Variants in GRID2IP observed in about 807,000 individuals in gnomAD.
GRID2IP encodes the protein Grid2 interacting protein, also known as delphilin.
Under a neutral mutation model 114.3 loss-of-function variants are expected in GRID2IP, and 78 were observed. The observed-to-expected ratio is 0.68, with a 90% CI of 0.57 to 0.82. The LOEUF (loss-of-function observed/expected upper bound fraction) is 0.82. Ranked by LOEUF, GRID2IP falls within the 40% of genes least tolerant of loss-of-function variation. The pLI is 0.00. For missense variants in GRID2IP, 1,727 were observed against 1,678.5 expected (o/e 1.03, Z -0.51); for synonymous variants, 809 against 724.0 (o/e 1.12, Z -1.89).
chr7:6,529,275 A>AC (rs1286738009), intron 2 of GRID2IP, among the ~76,000 whole-genome samples: 2 of 151,988 alleles, frequency 1.3e-5, no homozygotes, highest in African/African-American at 4.8e-5. Context: ...AAGTGGTGAA[A>AC]CCCCATCTCT....
In GRID2IP at chr7:6,510,367, G is replaced by C; in HGVS notation, c.1687C>G (p.Leu563Val). ...ATCTTCCCTTTGAAGCTGCTGTTCA[G>C]TCGAGACTCAAGCTCTGCATAGACG... ...SAVYAELESR[L>V]NSSFKGKMGT... The change falls in exon 11 of 22, where the codon CTG (leucine) becomes GTG (valine). Residue 563 changes from leucine to valine, a missense_variant. Coordinates refer to ENST00000457091, the MANE Select transcript of GRID2IP (RefSeq NM_001145118.2). 1 of 1,546,498 alleles carries C rather than the reference G, an allele frequency of 6.5e-7. No individual in the cohort carries two copies. Among genetic ancestry groups the C allele is most frequent in the Non-Finnish European group, 8.7e-7 (1 of 1,144,696 alleles).
intron 4 of GRID2IP, among the ~76,000 whole-genome samples, chr7:6,522,805 A>ATGTGTGTGTGTGTG (rs776645557): frequency 3.5e-5 from 2 of 57,044 alleles, no homozygotes; most frequent in African/African-American, 5.3e-5. Flanking sequence ...TGCCTGGCTA[A>ATGTGTGTGTGTGTG]TATGTGTGTG....
chr7:6,497,999 C>A, intron 21 of GRID2IP, 65 bp downstream of exon 21: 1 of 1,457,872 alleles, frequency 6.9e-7, no homozygotes, highest in Non-Finnish European at 9.2e-7. Context: ...CATGGAGGAT[C>A]CCTTCATTTG....
intron 20 of GRID2IP, among the ~76,000 whole-genome samples, chr7:6,498,785 A>G (rs553852183): frequency 1.5e-4 from 23 of 151,764 alleles, no homozygotes; most frequent in African/African-American, 5.6e-4. Flanking sequence ...GATGGGGTGT[A>G]TGTTGCCTAG....
chr7:6,539,767 TGAGAGTCCACAC>T lies in GRID2IP; in HGVS notation c.523_534del (p.Val175_Leu178del). ...CAGGCCTCTCGGGGCAGCGCCAGGG[TGAGAGTCCACAC>T]CAGATCATCCACCCGCTGCTCAGCT... is the stretch of plus-strand genomic sequence containing the variant. On this transcript the variant is annotated inframe_deletion, in exon 2 of 22. Transcript: ENST00000457091. The T allele has an allele frequency of 6.5e-7, 1 of 1,550,100 alleles. No homozygotes were observed. Among genetic ancestry groups the T allele is most frequent in the Non-Finnish European group, 8.7e-7 (1 of 1,146,866 alleles).
intron 1 of GRID2IP, among the ~76,000 whole-genome samples, chr7:6,545,396 T>A (rs1434816854): frequency 6.6e-6 from 1 of 152,210 alleles, no homozygotes; most frequent in Non-Finnish European, 1.5e-5. Flanking sequence ...CCTTTGCCAC[T>A]GCAGTTCACT....
At chr7:6,529,961 C>CTT (rs71008398) in intron 2 of GRID2IP, among the ~76,000 whole-genome samples, 1,859 of 111,720 alleles carry the variant, frequency 0.017, 48 homozygotes, top group African/African-American at 0.067. Context: ...CTCTCTCTCT[C>CTT]TTTTTTTTTT....
At chr7:6,500,725 T>C (rs540730197) in intron 20 of GRID2IP, among the ~76,000 whole-genome samples, 12 of 152,304 alleles carry the variant, frequency 7.9e-5, no homozygotes, top group African/African-American at 2.6e-4. Context: ...CCCCCTTACC[T>C]AGCTTCAGCA....
Position 6,516,577 on chromosome 7 carries a change from G to C in GRID2IP, c.1269-2048C>G, listed in dbSNP as rs1562517463. On this transcript the variant is annotated intron_variant, in intron 7 of 21. Transcript: ENST00000457091. This position sits in a 1 kb window ranked among gnomAD's most constrained non-coding sequence, Gnocchi z 4.3. ...CCGTTGCTTAGCAGACCGGGAAAGG[G>C]AGTCTCCCTTTCCTGGTGGAGTTAA... Among the ~76,000 whole-genome samples the C allele has an allele frequency of 1.3e-5, 2 of 151,956 alleles. No homozygotes were observed. The highest frequency in any genetic ancestry group is 4.8e-5 in the African/African-American group (2 of 41,368).
chr7:6,511,007 C>G lies in GRID2IP; in HGVS notation c.1456G>C (p.Glu486Gln). 4 of 1,508,902 alleles carry G rather than the reference C, an allele frequency of 2.7e-6. No homozygotes were observed. In the South Asian group the frequency reaches 3.7e-5, roughly 14 times the overall value. The allele number at this position is 1,508,902 out of a possible 1,614,324, so 93.5% of individuals were successfully genotyped here. Residue 486 changes from glutamate to glutamine, a missense_variant, in exon 9 of 22, where the codon GAG (glutamate) becomes CAG (glutamine). Physicochemically the swap from Glu to Gln is conservative, Grantham distance 29. Transcript: ENST00000457091. The part of the protein sequence containing the change: ...EPEPELDLES[E>Q]PTPEPQPRSS... ...CGCGGCTGGGGCTCAGGCGTGGGCT[C>G]GGACTCCAGGTCCAGCTCAGGCTCC...
intron 2 of GRID2IP, among the ~76,000 whole-genome samples, 172 bp downstream of exon 2, chr7:6,539,546 T>C (rs571360833): frequency 1.3e-5 from 2 of 152,280 alleles, no homozygotes; most frequent in African/African-American, 4.8e-5. Context: ...CTCAGGGTCA[T>C]TGGCCTACCC....
chr7:6,505,732 G>T, intron 14 of GRID2IP, 88 bp downstream of exon 14: 1 of 807,526 alleles, frequency 1.2e-6, no homozygotes, highest in Non-Finnish European at 2.1e-6. Context: ...TTAAATAGTA[G>T]TCAGTGCAGC....
chr7:6,524,423 G>A (rs1779468872), intron 4 of GRID2IP, among the ~76,000 whole-genome samples: 1 of 152,144 alleles, frequency 6.6e-6, no homozygotes, highest in Non-Finnish European at 1.5e-5. Flanking sequence ...TTACAGGGAG[G>A]GAGAATTCAA....
Position 6,520,497 on chromosome 7 carries a change from G to A in GRID2IP, c.1268+81C>T. Reference sequence around the variant, plus strand: ...GGAGAACGGGACTGAGGAGGTTCAGGCAGGGAGACTGGGATGTGAGTCTAG... The same window carrying A: ...GGAGAACGGGACTGAGGAGGTTCAGACAGGGAGACTGGGATGTGAGTCTAG... On this transcript the variant is annotated intron_variant, in intron 7 of 21. Transcript: ENST00000457091. The surrounding 1 kb of genome is among the most constrained non-coding windows in gnomAD (Gnocchi z 4.6). The A allele has an allele frequency of 7.1e-7, 1 of 1,403,178 alleles. No homozygotes were observed. Among genetic ancestry groups the A allele is most frequent in the Non-Finnish European group, 9.6e-7 (1 of 1,037,082 alleles). The allele number at this position is 1,403,178 out of a possible 1,614,324, so 86.9% of individuals were successfully genotyped here.
Position 6,510,296 on chromosome 7 carries a change from T to G in GRID2IP, c.1758A>C (p.Pro586=), listed in dbSNP as rs1439546481. ...CTGGAGCCCTACCTGTGGTGACTGCTGGGCTGGGGCCTGGAGGGGAAGCCC... is the reference window on the plus strand; with the variant it reads ...CTGGAGCCCTACCTGTGGTGACTGCGGGGCTGGGGCCTGGAGGGGAAGCCC... ...KSRASPPGPS[P]AVTTGPRTLS... is the part of the protein sequence containing the mutation. Residue 586 remains proline (P), a synonymous_variant, in exon 11 of 22, where the codon CCA becomes CCC. Coordinates refer to ENST00000457091, the MANE Select transcript of GRID2IP (RefSeq NM_001145118.2). 1 of 1,543,852 alleles carries G rather than the reference T, an allele frequency of 6.5e-7. No homozygotes were observed. Among genetic ancestry groups the G allele is most frequent in the East Asian group, 2.5e-5 (1 of 40,778 alleles).
chr7:6,530,985 C>A (rs1252870002), intron 2 of GRID2IP: 1 of 610,714 alleles, frequency 1.6e-6, no homozygotes, highest in Non-Finnish European at 2.9e-6. Context: ...CCAGCCCCAC[C>A]CGCTTTCAGA....
rs373383695 is a variant in GRID2IP at position 6,510,322 on chromosome 7, G to A, written c.1732C>T (p.Arg578Trp). ...KGKMGTVSKS[R>W]ASPPGPSPAV... ...GGGCTGGGGCCTGGAGGGGAAGCCC[G>A]GGATTTGGACACGGTCCCCATCTTC... is the stretch of plus-strand genomic sequence containing the variant. The change falls in exon 11 of 22, where the codon CGG (arginine) becomes TGG (tryptophan). Residue 578 changes from arginine (R) to tryptophan (W), a missense_variant. Physicochemically the swap from Arg to Trp is moderately radical, Grantham distance 101. Coordinates refer to ENST00000457091, the MANE Select transcript of GRID2IP (RefSeq NM_001145118.2). 9.7e-6 allele frequency: 15 copies of A among 1,547,956 alleles called. No individual in the cohort carries two copies. The highest frequency in any genetic ancestry group is 1.7e-4 in the Middle Eastern group (1 of 5,966).
intron 7 of GRID2IP, among the ~76,000 whole-genome samples, chr7:6,518,204 T>G (rs1779348146): frequency 6.6e-6 from 1 of 152,048 alleles, no homozygotes; most frequent in Non-Finnish European, 1.5e-5. Context: ...CACTCCAGCT[T>G]GGGTGACAGA....
chr7:6,517,212 G>A (rs1198735114), intron 7 of GRID2IP, among the ~76,000 whole-genome samples: 26 of 150,300 alleles, frequency 1.7e-4, no homozygotes, highest in African/African-American at 5.8e-4. Flanking sequence ...CTGCCACCAC[G>A]CCCGGCTATT....
Sources: gnomAD v4.1 joint callset for allele counts (sites outside exome capture counted in the v4.1 genomes callset) on GRCh38, gnomAD v4.1.1 for gene constraint, Gnocchi (gnomAD v3.1) non-coding constraint, MANE v1.5 for transcripts, NCBI Gene and HGNC (gene_info 2026-07-23, HGNC 2026-07-21) for gene names.